The following PTPRT variants were observed in gnomAD, a reference collection of about 807,000 sequenced individuals.
PTPRT encodes receptor-type tyrosine-protein phosphatase T.
PTPRT carries 56 observed loss-of-function variants against 176.8 expected under a neutral mutation model. That is an observed-to-expected ratio of 0.32 (90% confidence interval 0.26 to 0.40). The LOEUF (loss-of-function observed/expected upper bound fraction) is 0.40. Among genes scored for constraint, PTPRT ranks in the 10% least tolerant of loss-of-function variants. PTPRT has a pLI of 1.00. For synonymous variants in PTPRT, 783 were observed against 739.0 expected (o/e 1.06, Z -0.96); for missense variants, 1,540 against 1,908.2 (o/e 0.81, Z 3.60).
chr20:42,868,672 G>C (rs1311392485), intron 2 of PTPRT, among the ~76,000 whole-genome samples: 1 of 152,136 alleles, frequency 6.6e-6, no homozygotes, highest in Non-Finnish European at 1.5e-5. Flanking sequence ...ATATTAAGAT[G>C]CCTGATAGGG....
chr20:42,492,528 A>C (rs2071579100), intron 7 of PTPRT, among the ~76,000 whole-genome samples: 1 of 152,114 alleles, frequency 6.6e-6, no homozygotes, highest in Non-Finnish European at 1.5e-5. Context: ...CTGTTAAATA[A>C]ATTTAAACTT....
At chr20:42,661,946 T>TC (rs2075230666) in intron 7 of PTPRT, among the ~76,000 whole-genome samples, 1 of 152,198 alleles carries the variant, frequency 6.6e-6, no homozygotes, top group Admixed American at 6.5e-5. Context: ...CAGGGTGCCC[T>TC]TGGCTTCCTC....
At chr20:43,067,490 A>G (rs994967027) in intron 1 of PTPRT, among the ~76,000 whole-genome samples, 2 of 152,194 alleles carry the variant, frequency 1.3e-5, no homozygotes, top group African/African-American at 4.8e-5. Flanking sequence ...TAACCTCAAT[A>G]CATTTTTTAA....
intron 2 of PTPRT, among the ~76,000 whole-genome samples, chr20:42,865,154 C>A (rs1310426121): frequency 1.3e-5 from 2 of 152,144 alleles, no homozygotes; most frequent in Non-Finnish European, 2.9e-5. Context: ...TATGCCACAG[C>A]AGAACTGCTT....
At chr20:42,468,804 T>A (rs2071143615) in intron 8 of PTPRT, among the ~76,000 whole-genome samples, 1 of 152,224 alleles carries the variant, frequency 6.6e-6, no homozygotes, top group South Asian at 2.1e-4. Context: ...TCCTGAGTCC[T>A]GAATTTTCAT....
chr20:43,060,742 A>C (rs1276178091), intron 1 of PTPRT, among the ~76,000 whole-genome samples: 1 of 152,208 alleles, frequency 6.6e-6, no homozygotes, highest in Non-Finnish European at 1.5e-5. Flanking sequence ...TTCATCCAGA[A>C]GCTCAACACA....
rs568524137 is a variant in PTPRT at position 42,389,735 on chromosome 20, G to T, written c.1561-37450C>A. Among the ~76,000 whole-genome samples, 10 of 151,728 alleles carry T rather than the reference G, an allele frequency of 6.6e-5. No individual in the cohort carries two copies. The East Asian group carries it at 1.9e-3, about 29-fold the overall frequency. ...CTGGGCATGGTGGTACATGCTTGTAGTCCCAGCTACTCCAGAGGTTAAGGC... is the reference window on the plus strand; with the variant it reads ...CTGGGCATGGTGGTACATGCTTGTATTCCCAGCTACTCCAGAGGTTAAGGC... On this transcript the variant is annotated intron_variant, in intron 9 of 30. Coordinates refer to ENST00000373187, the MANE Select transcript of PTPRT (RefSeq NM_007050.6).
intron 9 of PTPRT, among the ~76,000 whole-genome samples, chr20:42,428,517 C>T (rs6030224): frequency 0.82 from 124,908 of 152,040 alleles, 51,560 homozygotes; most frequent in Admixed American, 0.86. Context: ...ATTAGCCCAA[C>T]TTGCCTTTTG....
At chr20:43,035,108 C>T (rs1986321192) in intron 1 of PTPRT, among the ~76,000 whole-genome samples, 1 of 152,164 alleles carries the variant, frequency 6.6e-6, no homozygotes, top group Non-Finnish European at 1.5e-5. Context: ...GGGCACCCAA[C>T]TGCAACTCTG....
chr20:42,161,222 G>T, intron 17 of PTPRT, 130 bp downstream of exon 17: 1 of 1,005,178 alleles, frequency 9.9e-7, no homozygotes, highest in Non-Finnish European at 1.5e-6. Context: ...CTGAGATGTT[G>T]CATTTCCTAC....
At chr20:42,639,919 C>T (rs1164084217) in intron 7 of PTPRT, among the ~76,000 whole-genome samples, 2 of 152,054 alleles carry the variant, frequency 1.3e-5, no homozygotes, top group Non-Finnish European at 2.9e-5. Flanking sequence ...TTCTGCTTTA[C>T]AAAATAACCA....
rs145530752 is a variant in PTPRT at position 42,299,267 on chromosome 20, G to A, written c.2139+16456C>T. 1.3e-3 allele frequency among the ~76,000 whole-genome samples: 205 copies of A among 151,968 alleles called. 9 individuals carry two copies. The East Asian group carries it at 0.036, about 27-fold the overall frequency. On this transcript the variant is annotated intron_variant, in intron 12 of 30. Transcript: ENST00000373187. The stretch of plus-strand genomic sequence containing the variant: ...ACATATTAAGAAATCAACAGGGATG[G>A]GCAAAATGAAACTAAAATTAAAAAC...
intron 1 of PTPRT, among the ~76,000 whole-genome samples, chr20:42,914,823 G>C (rs1441699511): frequency 6.6e-6 from 1 of 151,854 alleles, no homozygotes; most frequent in Non-Finnish European, 1.5e-5. Flanking sequence ...TGCTGAAGCT[G>C]GGCAATAAGG....
chr20:42,699,428 G>C (rs962879732), intron 6 of PTPRT, among the ~76,000 whole-genome samples: 1 of 151,984 alleles, frequency 6.6e-6, no homozygotes, highest in African/African-American at 2.4e-5. Context: ...GCACACTCAT[G>C]GATATTTACT....
chr20:42,481,194 C>T (rs1183276631), intron 7 of PTPRT, among the ~76,000 whole-genome samples: 3 of 152,018 alleles, frequency 2.0e-5, no homozygotes, highest in Non-Finnish European at 2.9e-5. Context: ...TGTTTATTTA[C>T]AAAAAGCTAG....
At chr20:43,060,310 T>C (rs903352828) in intron 1 of PTPRT, among the ~76,000 whole-genome samples, 1 of 152,226 alleles carries the variant, frequency 6.6e-6, no homozygotes, top group African/African-American at 2.4e-5. Context: ...GGTGAGGACC[T>C]GCGTCCTGGA....
chr20:43,041,126 C>G (rs1986588391), intron 1 of PTPRT, among the ~76,000 whole-genome samples: 1 of 152,182 alleles, frequency 6.6e-6, no homozygotes, highest in Non-Finnish European at 1.5e-5. Flanking sequence ...GAGACCGTCT[C>G]CAATCACTTA....
intron 7 of PTPRT, among the ~76,000 whole-genome samples, chr20:42,576,649 G>A (rs768166220): frequency 1.1e-4 from 17 of 152,114 alleles, no homozygotes; most frequent in Non-Finnish European, 2.4e-4. Flanking sequence ...AGTTATCTGT[G>A]TCAGAAAAAG....
At position 42,767,977 on chromosome 20, in the gene PTPRT, TACACACAC is replaced by T. The variant is rs35599788; in HGVS notation, c.684+3450_684+3457del. On this transcript the variant is annotated intron_variant, in intron 5 of 30. Coordinates refer to ENST00000373187, the MANE Select transcript of PTPRT (RefSeq NM_007050.6). ...TTATATATGAAAATATATAAAATTA[TACACACAC>T]ACACACACACACACACACACACACA... is the stretch of plus-strand genomic sequence containing the variant. Among the ~76,000 whole-genome samples the T allele has an allele frequency of 6.0e-3, 749 of 125,244 alleles. 5 individuals carry two copies. The highest frequency in any genetic ancestry group is 0.019 in the African/African-American group (634 of 32,916). The allele number at this position is 125,244 out of a possible 152,430, so 82.2% of individuals were successfully genotyped here.
Sources: gnomAD v4.1 joint callset for allele counts (sites outside exome capture counted in the v4.1 genomes callset) on GRCh38, gnomAD v4.1.1 for gene constraint, MANE v1.5 for transcripts, NCBI Gene and HGNC (gene_info 2026-07-23, HGNC 2026-07-21) for gene names.